Variants in TRAM2 observed in about 807,000 individuals in gnomAD.
TRAM2 encodes translocating chain-associated membrane protein 2.
Under a neutral mutation model 51.0 loss-of-function variants are expected in TRAM2, and 12 were observed. The ratio of observed to expected loss-of-function variants is 0.24; its 90% CI spans 0.15 to 0.38. The LOEUF (loss-of-function observed/expected upper bound fraction) is 0.38. TRAM2 is among the 10% of genes least tolerant of loss of function. The pLI is 1.00. For missense variants in TRAM2, 361 were observed against 462.0 expected (o/e 0.78, Z 2.00); for synonymous variants, 175 against 179.4 (o/e 0.98, Z 0.20).
At chr6:52,534,172 G>A (rs761464875) in intron 2 of TRAM2, among the ~76,000 whole-genome samples, 4 of 151,316 alleles carry the variant, frequency 2.6e-5, no homozygotes, top group African/African-American at 4.9e-5. Context: ...ACCTGAGGTC[G>A]GAAGTTCGAG....
rs1766109799 is a variant in TRAM2, at chr6:52,497,635, G to T, written c.*5562C>A. On this transcript the variant is annotated 3_prime_UTR_variant, in exon 11 of 11. Coordinates refer to ENST00000182527, the MANE Select transcript of TRAM2 (RefSeq NM_012288.4). ...GGTACAAATTTTCCTTGAGTTCCTT[G>T]TTGAAATTTGGTCCATATGAACAGG... 1 of 150,644 alleles carries T rather than the reference G, an allele frequency of 6.6e-6. No homozygotes were observed. The highest frequency in any genetic ancestry group is 2.5e-5 in the African/African-American group (1 of 40,604). The allele number at this position is 150,644 out of a possible 1,614,324, so 9.3% of individuals were successfully genotyped here.
At chr6:52,543,754 G>A (rs1767147232) in intron 1 of TRAM2, among the ~76,000 whole-genome samples, 1 of 152,200 alleles carries the variant, frequency 6.6e-6, no homozygotes, top group Non-Finnish European at 1.5e-5. Context: ...AGATGTGTCT[G>A]CGACATCCTG....
chr6:52,507,592 C>G lies in TRAM2; in HGVS notation c.587G>C (p.Cys196Ser), dbSNP rs1276275635. 4 of 1,614,014 alleles carry G rather than the reference C, an allele frequency of 2.5e-6. No individual in the cohort carries two copies. The highest frequency in any genetic ancestry group is 3.4e-6 in the Non-Finnish European group (4 of 1,180,024). ...TCCAGCTATATGCACCAGGTACAGG[C>G]AAATATACTGGAGCTGGCGGGGAAT... is the stretch of plus-strand genomic sequence containing the variant. ...EEIPRQLQYICLYLVHIAGAY... is the reference protein window; with the variant it reads ...EEIPRQLQYISLYLVHIAGAY... The change falls in exon 7 of 11, where the codon TGC becomes TCC. Residue 196 changes from cysteine to serine, a missense_variant. Cys to Ser is a moderately radical substitution (Grantham distance 112, BLOSUM62 -1). Transcript: ENST00000182527.
intron 1 of TRAM2, among the ~76,000 whole-genome samples, chr6:52,573,849 G>A (rs764440684): frequency 2.7e-4 from 41 of 152,204 alleles, no homozygotes; most frequent in Non-Finnish European, 2.2e-4. Flanking sequence ...TGCCTGGCGC[G>A]TGGGCTGATG....
intron 2 of TRAM2, among the ~76,000 whole-genome samples, chr6:52,531,440 G>A (rs765865894): frequency 3.3e-5 from 5 of 152,180 alleles, no homozygotes; most frequent in Non-Finnish European, 7.3e-5. Flanking sequence ...ATCTTCTCTT[G>A]CTAAAGTAAC....
intron 2 of TRAM2, 97 bp downstream of exon 2, chr6:52,535,686 G>T: frequency 1.1e-6 from 1 of 948,950 alleles, no homozygotes; most frequent in Non-Finnish European, 1.5e-6. Flanking sequence ...CGTCATGGGG[G>T]AAAAAAAAAA....
rs1766499211 is a variant in TRAM2 at position 52,514,118 on chromosome 6, T to C, written c.411+1888A>G. Among the ~76,000 whole-genome samples the C allele has an allele frequency of 7.3e-5, 11 of 151,500 alleles. 1 individual carries two copies. The South Asian group carries it at 2.3e-3, about 32-fold the overall frequency. On this transcript the variant is annotated intron_variant, in intron 4 of 10. Transcript: ENST00000182527. The stretch of plus-strand genomic sequence containing the variant: ...CTGGTCAAAGGTCACTAGACTAGGG[T>C]TGGTGGTGCAGGCAGAAAGCAGCAG...
rs781432744 is a variant in TRAM2 at position 52,522,947 on chromosome 6, T to A, written c.185-6210A>T. 1.0e-5 allele frequency: 7 copies of A among 702,360 alleles called. No individual in the cohort carries two copies. The South Asian group carries it at 1.0e-4, about 10-fold the overall frequency. 43.5% of individuals were successfully genotyped at this position (702,360 alleles called of 1,614,324 possible). A position where few individuals can be genotyped will look rare whatever the true frequency, so the allele number is the denominator to read the frequency against. ...TCCCAGTCCTGTCTGGATCCCACTG[T>A]GCGGTCTCTGACCTCCTCTGCACAA... is the stretch of plus-strand genomic sequence containing the variant. On this transcript the variant is annotated intron_variant, in intron 2 of 10. Transcript: ENST00000182527.
intron 1 of TRAM2, among the ~76,000 whole-genome samples, chr6:52,564,963 T>C (rs1329522593): frequency 4.0e-5 from 6 of 151,590 alleles, no homozygotes; most frequent in Non-Finnish European, 8.8e-5. Flanking sequence ...GCAGGGTGCA[T>C]GAAAAAAAGC....
At chr6:52,511,267 G>A (rs1766447367) in intron 4 of TRAM2, among the ~76,000 whole-genome samples, 1 of 152,130 alleles carries the variant, frequency 6.6e-6, no homozygotes. Context: ...ACCACACCCG[G>A]CTATTTTTTG....
chr6:52,576,811 G>A lies in TRAM2; in HGVS notation c.105C>T (p.Ile35=), dbSNP rs752918886. ...IGFCLVLCVL[I]GLMFEVTAKT... is the part of the protein sequence containing the mutation. ...AGGCTCTCACCTCGAACATAAGCCC[G>A]ATGAGGACGCAGAGCACCAGGCAGA... The change falls in exon 1 of 11, where the codon ATC becomes ATT. Residue 35 remains isoleucine, a synonymous_variant. Transcript: ENST00000182527. 6.2e-6 allele frequency: 10 copies of A among 1,613,572 alleles called. No homozygotes were observed. The Admixed American group carries it at 1.7e-4, about 27-fold the overall frequency.
chr6:52,552,799 T>C (rs1767332446), intron 1 of TRAM2, among the ~76,000 whole-genome samples: 1 of 152,200 alleles, frequency 6.6e-6, no homozygotes, highest in African/African-American at 2.4e-5. Flanking sequence ...TAGTGCATGA[T>C]TAACTCCCGT....
intron 2 of TRAM2, among the ~76,000 whole-genome samples, chr6:52,534,084 C>CA (rs34466348): frequency 0.033 from 4,299 of 132,172 alleles, 175 homozygotes; most frequent in African/African-American, 0.099. Context: ...AAACTCCGTC[C>CA]AAAAAAAAAA....
chr6:52,563,932 A>G (rs948739285), intron 1 of TRAM2, among the ~76,000 whole-genome samples: 1 of 151,760 alleles, frequency 6.6e-6, no homozygotes, highest in African/African-American at 2.4e-5. Flanking sequence ...TAAAAGGCTA[A>G]GATTATAGGC....
At chr6:52,573,123 T>TA (rs1452292972) in intron 1 of TRAM2, among the ~76,000 whole-genome samples, 2 of 152,212 alleles carry the variant, frequency 1.3e-5, no homozygotes, top group Admixed American at 1.3e-4. Context: ...AGGTAGTATA[T>TA]AAATTGCTTC....
Position 52,502,010 on chromosome 6 carries a change from G to A in TRAM2, c.*1187C>T, listed in dbSNP as rs13192439. On this transcript the variant is annotated 3_prime_UTR_variant, in exon 11 of 11. Coordinates refer to ENST00000182527, the MANE Select transcript of TRAM2 (RefSeq NM_012288.4). ...CTACCCAGAGAGTGACTCTCAGTCA[G>A]TCATGGTTTCATGCAGTCTAAAATG... The A allele has an allele frequency of 6.6e-6, 1 of 152,130 alleles. No homozygotes were observed. The highest frequency in any genetic ancestry group is 2.4e-5 in the African/African-American group (1 of 41,434). 9.4% of individuals were successfully genotyped at this position (152,130 alleles called of 1,614,324 possible).
At chr6:52,505,475 A>G in intron 9 of TRAM2, 124 bp downstream of exon 9, 3 of 1,374,018 alleles carry the variant, frequency 2.2e-6, no homozygotes, top group Non-Finnish European at 2.9e-6. Context: ...TGATATCCAG[A>G]GATTTCCAAA....
chr6:52,528,216 C>A (rs3789769), intron 2 of TRAM2, among the ~76,000 whole-genome samples: 1 of 151,848 alleles, frequency 6.6e-6, no homozygotes, highest in African/African-American at 2.4e-5. Flanking sequence ...TTGGGAGCAC[C>A]AATCAATTCT....
In TRAM2 at chr6:52,507,687, GA is replaced by G. The variant is rs113559419; in HGVS notation, c.556-65del. On this transcript the variant is annotated intron_variant, in intron 6 of 10. Transcript: ENST00000182527. ...CCTAACTGAAGATTCAGGGAAGGGG[GA>G]AAAGTGCAGGGGGATGAGAGAGGGC... 1.5e-3 allele frequency: 2,339 copies of G among 1,532,724 alleles called. 31 individuals carry two copies. The African/African-American group carries it at 0.027, about 18-fold the overall frequency. 94.9% of individuals were successfully genotyped at this position (1,532,724 alleles called of 1,614,324 possible).
Sources: gnomAD v4.1 joint callset for allele counts (sites outside exome capture counted in the v4.1 genomes callset) on GRCh38, gnomAD v4.1.1 for gene constraint, MANE v1.5 for transcripts, NCBI Gene and HGNC (gene_info 2026-07-23, HGNC 2026-07-21) for gene names.